The following RIMS1 variants were observed in gnomAD, a reference collection of about 807,000 sequenced individuals.
RIMS1 encodes the protein regulating synaptic membrane exocytosis 1.
Under a neutral mutation model 214.1 loss-of-function variants are expected in RIMS1, and 83 were observed. That is an observed-to-expected ratio of 0.39 (90% confidence interval 0.32 to 0.47). The LOEUF (loss-of-function observed/expected upper bound fraction) is 0.47. Among genes scored for constraint, RIMS1 ranks in the 20% least tolerant of loss-of-function variants. RIMS1 has a pLI of 0.99. For synonymous variants in RIMS1, 793 were observed against 786.8 expected, an observed-to-expected ratio of 1.01 and a Z score of -0.13; for missense variants, 2,050 against 2,161.8, an observed-to-expected ratio of 0.95 and a Z score of 1.03.
At chr6:72,226,594 A>G (rs2060261313) in intron 6 of RIMS1, among the ~76,000 whole-genome samples, 1 of 152,084 alleles carries the variant, frequency 6.6e-6, no homozygotes, top group Admixed American at 6.6e-5. Context: ...CTTACAACCT[A>G]TTAGAAAATA....
intron 31 of RIMS1, among the ~76,000 whole-genome samples, chr6:72,395,642 G>C (rs1292090568): frequency 1.3e-5 from 2 of 151,982 alleles, no homozygotes. Context: ...GAAGTTATAA[G>C]ACCGAGCAGA....
chr6:72,012,070 G>A (rs1193383138), intron 2 of RIMS1, among the ~76,000 whole-genome samples: 2 of 152,104 alleles, frequency 1.3e-5, no homozygotes, highest in African/African-American at 4.8e-5. Context: ...GCAAAGACTT[G>A]GATCCAACCC....
intron 2 of RIMS1, among the ~76,000 whole-genome samples, chr6:72,040,539 A>T (rs1330332840): frequency 6.6e-6 from 1 of 151,948 alleles, no homozygotes; most frequent in Non-Finnish European, 1.5e-5. Context: ...GGGCTAGTAT[A>T]TTTGGGGGAC....
chr6:71,962,335 G>T (rs1283404805), intron 1 of RIMS1, among the ~76,000 whole-genome samples: 1 of 151,884 alleles, frequency 6.6e-6, no homozygotes, highest in Non-Finnish European at 1.5e-5. Flanking sequence ...ATAATTTCCT[G>T]GCCTCTTCAG....
intron 32 of RIMS1, among the ~76,000 whole-genome samples, chr6:72,398,695 A>T (rs1460190341): frequency 6.6e-6 from 1 of 152,202 alleles, no homozygotes; most frequent in Non-Finnish European, 1.5e-5. Flanking sequence ...TTTAAGATAT[A>T]AACCTGCATT....
intron 28 of RIMS1, among the ~76,000 whole-genome samples, chr6:72,325,714 C>T (rs2096428742): frequency 6.6e-6 from 1 of 151,802 alleles, no homozygotes; most frequent in African/African-American, 2.4e-5. Flanking sequence ...AAACTCAACA[C>T]ATGTATGTGT....
Position 71,935,703 on chromosome 6 carries a change from T to G in RIMS1, c.165-33280T>G, listed in dbSNP as rs1461568101. ...ATATGCTCTTAAAAATATGTACAAA[T>G]ACGAGTTGTAACTGAGGGCTGCAGG... On this transcript the variant is annotated intron_variant, in intron 1 of 33. Coordinates refer to ENST00000521978, the MANE Select transcript of RIMS1 (RefSeq NM_014989.7). Among the ~76,000 whole-genome samples the G allele has an allele frequency of 3.9e-5, 6 of 152,318 alleles. No individual in the cohort carries two copies. The East Asian group carries it at 1.2e-3, about 29-fold the overall frequency.
chr6:72,179,966 C>A, intron 5 of RIMS1, 51 bp downstream of exon 5: 1 of 1,235,150 alleles, frequency 8.1e-7, no homozygotes, highest in Non-Finnish European at 1.1e-6. Context: ...GCTAGGAGAG[C>A]AAAGCCGTTT....
intron 1 of RIMS1, among the ~76,000 whole-genome samples, chr6:71,928,137 G>A (rs1317533898): frequency 6.6e-6 from 1 of 152,048 alleles, no homozygotes; most frequent in Non-Finnish European, 1.5e-5. Flanking sequence ...AGTATGTGAT[G>A]ATTCCAGACA....
intron 1 of RIMS1, among the ~76,000 whole-genome samples, chr6:71,953,104 A>G (rs575962814): frequency 6.6e-6 from 1 of 151,176 alleles, no homozygotes; most frequent in African/African-American, 2.4e-5. Flanking sequence ...ATCCTTCCTC[A>G]GCCTCCCAAG....
chr6:72,172,250 CA>C (rs11338397), intron 4 of RIMS1, among the ~76,000 whole-genome samples: 3,811 of 151,514 alleles, frequency 0.025, 131 homozygotes, highest in African/African-American at 0.084. Context: ...GGTAAATGAT[CA>C]AAAAAATATT....
chr6:72,336,789 T>G (rs766196461), intron 29 of RIMS1, among the ~76,000 whole-genome samples: 1 of 151,846 alleles, frequency 6.6e-6, no homozygotes, highest in Non-Finnish European at 1.5e-5. Flanking sequence ...CACTCCTCTT[T>G]GTTTTAGTGC....
In RIMS1 at chr6:71,992,770, C is replaced by T. The variant is rs553374816; in HGVS notation, c.245+23707C>T. 2.6e-5 allele frequency among the ~76,000 whole-genome samples: 4 copies of T among 152,156 alleles called. No individual in the cohort carries two copies. In the South Asian group the frequency reaches 8.3e-4, roughly 32 times the overall value. On this transcript the variant is annotated intron_variant, in intron 2 of 33. Coordinates refer to ENST00000521978, the MANE Select transcript of RIMS1 (RefSeq NM_014989.7). ...AACCTCCTGGGCTCAGGTGATCCTC[C>T]CATCTCAGTGTCCCAGGTAGCTGGG...
At chr6:72,109,576 A>T (rs1021858595) in intron 4 of RIMS1, among the ~76,000 whole-genome samples, 69 of 150,450 alleles carry the variant, frequency 4.6e-4, no homozygotes, top group African/African-American at 1.3e-3. Flanking sequence ...AATTTGTTTG[A>T]GTTCATTGTA....
chr6:72,290,517 G>C (rs1207490269), intron 24 of RIMS1, among the ~76,000 whole-genome samples, 162 bp from the exon 25 acceptor site: 1 of 152,186 alleles, frequency 6.6e-6, no homozygotes, highest in South Asian at 2.1e-4. Flanking sequence ...ATAATAACTT[G>C]TCAGTTTGAT....
chr6:72,282,750 C>G (rs1054854007), intron 23 of RIMS1, among the ~76,000 whole-genome samples: 1 of 152,072 alleles, frequency 6.6e-6, no homozygotes, highest in Non-Finnish European at 1.5e-5. Flanking sequence ...TCATATCCCC[C>G]TCAGTGCCTG....
chr6:72,056,645 GC>G (rs1826260387), intron 2 of RIMS1, among the ~76,000 whole-genome samples: 1 of 152,102 alleles, frequency 6.6e-6, no homozygotes, highest in Non-Finnish European at 1.5e-5. Flanking sequence ...TATGAGTGCT[GC>G]ATTTGGCCTC....
chr6:71,932,801 G>A (rs1404880005), intron 1 of RIMS1, among the ~76,000 whole-genome samples: 2 of 152,024 alleles, frequency 1.3e-5, no homozygotes, highest in South Asian at 2.1e-4. Flanking sequence ...AGTGAGATTG[G>A]GAAGTAAGTT....
chr6:72,258,313 C>A lies in RIMS1; in HGVS notation c.2927+32C>A, dbSNP rs774646164. On this transcript the variant is annotated intron_variant, in intron 17 of 33. Transcript: ENST00000521978. ...TTTGAAATGGGCTCAGTGTCCCTGA[C>A]AGTACATTTTTATTATAATGCAGTG... 5 of 1,586,254 alleles carry A rather than the reference C, an allele frequency of 3.2e-6. No individual in the cohort carries two copies. The African/African-American group carries it at 6.7e-5, about 21-fold the overall frequency.
Sources: allele counts gnomAD v4.1 joint callset (sites outside exome capture counted in the v4.1 genomes callset), GRCh38; gene constraint gnomAD v4.1.1; transcripts MANE v1.5; gene names NCBI Gene and HGNC (gene_info 2026-07-23, HGNC 2026-07-21).